Variants in ABCB4 observed in about 807,000 individuals in gnomAD.
The protein encoded by ABCB4 is phosphatidylcholine translocator ABCB4.
A neutral mutation model predicts 145.7 loss-of-function variants in ABCB4; 76 were observed. The observed-to-expected ratio is 0.52, with a 90% confidence interval of 0.43 to 0.63. The LOEUF is 0.63. Ranked by LOEUF, ABCB4 falls within the 30% of genes least tolerant of loss-of-function variation. The probability of loss-of-function intolerance (pLI) is 0.00; values close to 1 mark genes in which losing one functional copy is unlikely to be tolerated. For missense variants in ABCB4, 1,234 were observed against 1,553.1 expected, an observed-to-expected ratio of 0.79 and a Z score of 3.45; for synonymous variants, 517 against 566.8, an observed-to-expected ratio of 0.91 and a Z score of 1.25.
At chr7:87,423,354 A>G (rs1420474445) in intron 17 of ABCB4, among the ~76,000 whole-genome samples, 2 of 152,140 alleles carry the variant, frequency 1.3e-5, no homozygotes, top group Admixed American at 6.5e-5. Context: ...TGGGGTGGCT[A>G]TCGCTTTTTG....
At chr7:87,475,575 C>G (rs1387615932) in intron 1 of ABCB4, 59 bp downstream of exon 1, 2 of 1,115,314 alleles carry the variant, frequency 1.8e-6, no homozygotes, top group Non-Finnish European at 2.7e-6. Context: ...GCCACTCCCG[C>G]CCCGCGCCCC....
chr7:87,440,776 C>G (rs1317729565), intron 12 of ABCB4, among the ~76,000 whole-genome samples: 3 of 152,166 alleles, frequency 2.0e-5, no homozygotes, highest in Admixed American at 1.3e-4. Context: ...GAGTCTCGCT[C>G]TGTCGCCCAG....
chr7:87,398,259 A>G (rs2116257422), downstream of ABCB4: 1 of 614,836 alleles, frequency 1.6e-6, no homozygotes, highest in East Asian at 3.4e-5. Flanking sequence ...TAAACGCAGT[A>G]AGACCTAGCT....
the ABCB4 span, among the ~76,000 whole-genome samples, chr7:87,372,776 T>C: frequency 6.6e-6 from 1 of 152,190 alleles, no homozygotes; most frequent in African/African-American, 2.4e-5. Context: ...TTTTAGCATG[T>C]ATGAATACTT....
intron 25 of ABCB4, among the ~76,000 whole-genome samples, 182 bp from the exon 26 acceptor site, chr7:87,406,676 A>G (rs777421306): frequency 1.3e-5 from 2 of 152,202 alleles, no homozygotes; most frequent in Non-Finnish European, 2.9e-5. Context: ...TATGGTGATT[A>G]AGCCATCCCT....
rs775852830 is a variant in ABCB4 at position 87,462,898 on chromosome 7, G to A, written c.146C>T (p.Ser49Phe). 1.2e-6 allele frequency: 2 copies of A among 1,613,724 alleles called. No homozygotes were observed. Among genetic ancestry groups the A allele is most frequent in the Non-Finnish European group, 1.7e-6 (2 of 1,179,760 alleles). ...MIGVLTLFRY[S>F]DWQDKLFMSL... ...CATAAACAATTTATCCTGCCAATCG[G>A]AGTATCGAAACTAAAAAAAGGAAAT... Residue 49 changes from serine (S) to phenylalanine (F), a missense_variant, in exon 4 of 28, where the codon TCC becomes TTC. By Grantham distance (155) the Ser-to-Phe change is radical (BLOSUM62 -2). Transcript: ENST00000649586.
intron 4 of ABCB4, among the ~76,000 whole-genome samples, chr7:87,462,522 C>CTG (rs2116896164): frequency 6.6e-6 from 1 of 152,248 alleles, no homozygotes; most frequent in African/African-American, 2.4e-5. Flanking sequence ...TAGAAGCTTC[C>CTG]TGTGTATTTC....
At chr7:87,400,288 G>A (rs1321021303), downstream of ABCB4, among the ~76,000 whole-genome samples, 5 of 152,100 alleles carry the variant, frequency 3.3e-5, no homozygotes, top group African/African-American at 9.7e-5. Flanking sequence ...ATGATTATGG[G>A]TACTATAGCA....
downstream of ABCB4, among the ~76,000 whole-genome samples, chr7:87,401,037 C>T (rs1190140158): frequency 6.6e-6 from 1 of 152,190 alleles, no homozygotes; most frequent in Non-Finnish European, 1.5e-5. Flanking sequence ...TGATTCTGAT[C>T]AGGCAAGTTT....
At chr7:87,399,282 C>T (rs75651762), downstream of ABCB4, 318 of 152,826 alleles carry the variant, frequency 2.1e-3, 1 homozygote, top group Non-Finnish European at 3.4e-3. Context: ...TGAGACCAGC[C>T]TGGGCAACAG....
At position 87,451,650 on chromosome 7, in the gene ABCB4, T is replaced by C. The variant is rs1455028203; in HGVS notation, c.681A>G (p.Leu227=). ...TLVIMAISPI[L]GLSAAVWAKI... ...TTGCCCAAACGGCTGCAGAGAGTCC[T>C]AGAATAGGGCTGATGGCCATTATCA... is the stretch of plus-strand genomic sequence containing the variant. Residue 227 remains leucine (L), a synonymous_variant, in exon 7 of 28, where the codon CTA becomes CTG. Transcript: ENST00000649586. 1 of 1,614,172 alleles carries C rather than the reference T, an allele frequency of 6.2e-7. No individual in the cohort carries two copies. The highest frequency in any genetic ancestry group is 8.5e-7 in the Non-Finnish European group (1 of 1,180,020).
downstream of ABCB4, chr7:87,399,346 G>C (rs973970169): frequency 3.3e-5 from 5 of 152,302 alleles, no homozygotes; most frequent in Middle Eastern, 3.2e-3. Flanking sequence ...GGTGGTGCAT[G>C]TGTGCCTGTA....
In ABCB4 at chr7:87,462,916, A is replaced by T; in HGVS notation, c.136-8T>A. 6.2e-7 allele frequency: 1 copy of T among 1,612,498 alleles called. No individual in the cohort carries two copies. Among genetic ancestry groups the T allele is most frequent in the Admixed American group, 1.7e-5 (1 of 59,984 alleles). ...CCAATCGGAGTATCGAAACTAAAAA[A>T]AGGAAATAAAATAATACTTAGCTGT... On this transcript the variant is annotated splice_polypyrimidine_tract_variant and splice_region_variant and intron_variant, in intron 3 of 27. Transcript: ENST00000649586.
intron 8 of ABCB4, among the ~76,000 whole-genome samples, chr7:87,447,903 T>C (rs554711144): frequency 1.3e-5 from 2 of 152,342 alleles, no homozygotes; most frequent in African/African-American, 4.8e-5. Context: ...GGTAGATAAT[T>C]GTAGAAAGTA....
At chr7:87,401,527 A>T (rs896102155), downstream of ABCB4, among the ~76,000 whole-genome samples, 1 of 152,238 alleles carries the variant, frequency 6.6e-6, no homozygotes, top group Non-Finnish European at 1.5e-5. Context: ...TTAAAAAAAT[A>T]CTTAATGATA....
intron 4 of ABCB4, among the ~76,000 whole-genome samples, chr7:87,460,997 CTT>C (rs1812420529): frequency 6.6e-6 from 1 of 151,102 alleles, no homozygotes; most frequent in Admixed American, 6.6e-5. Context: ...GAGTTTTGCT[CTT>C]GTTGCCCAGG....
In ABCB4 at chr7:87,431,520, T is replaced by C; in HGVS notation, c.1777A>G (p.Thr593Ala). Residue 593 changes from threonine (T) to alanine (A), a missense_variant, in exon 15 of 28, where the codon ACG (threonine) becomes GCG (alanine). By Grantham distance (58) the Thr-to-Ala change is moderately conservative. Coordinates refer to ENST00000649586, the MANE Select transcript of ABCB4 (RefSeq NM_000443.4). ...GCGATGACATCTGCATTTCGGACCGTAGACAGTCGGTGTGCTATCACAATG... is the reference window on the plus strand; with the variant it reads ...GCGATGACATCTGCATTTCGGACCGCAGACAGTCGGTGTGCTATCACAATG... ...TTIVIAHRLS[T>A]VRNADVIAGF... The C allele has an allele frequency of 1.9e-6, 3 of 1,614,110 alleles. No individual in the cohort carries two copies. The highest frequency in any genetic ancestry group is 2.5e-6 in the Non-Finnish European group (3 of 1,179,970).
At chr7:87,397,719 A>G (rs994325682), downstream of ABCB4, among the ~76,000 whole-genome samples, 1 of 152,220 alleles carries the variant, frequency 6.6e-6, no homozygotes, top group African/African-American at 2.4e-5. Context: ...CATTGGTTTC[A>G]TCATTATATA....
chr7:87,376,079 A>G, the ABCB4 span: 1 of 830,138 alleles, frequency 1.2e-6, no homozygotes, highest in Non-Finnish European at 1.8e-6. Context: ...TAGTTATACA[A>G]TATACTTGTG....
Sources: allele counts gnomAD v4.1 joint callset (sites outside exome capture counted in the v4.1 genomes callset), GRCh38; gene constraint gnomAD v4.1.1; transcripts MANE v1.5; gene names NCBI Gene and HGNC (gene_info 2026-07-23, HGNC 2026-07-21).